ASXL2: variants seen among roughly 807,000 people sequenced by gnomAD.
ASXL2 encodes putative Polycomb group protein ASXL2.
In ASXL2, 23 loss-of-function variants were observed where a neutral mutation model predicts 122.0. The ratio of observed to expected loss-of-function variants is 0.19; its 90% CI spans 0.14 to 0.27. The LOEUF is 0.27. Ranked by LOEUF, ASXL2 falls within the 10% of genes least tolerant of loss-of-function variation. The pLI is 1.00. For synonymous variants in ASXL2, 650 were observed against 637.0 expected, an observed-to-expected ratio of 1.02 and a Z score of -0.31; for missense variants, 1,518 against 1,713.8, an observed-to-expected ratio of 0.89 and a Z score of 2.02.
intron 1 of ASXL2, among the ~76,000 whole-genome samples, chr2:25,861,856 A>G (rs1342947368): frequency 6.6e-6 from 1 of 152,204 alleles, no homozygotes; most frequent in Admixed American, 6.5e-5. Context: ...ACAGACCCAT[A>G]TCTCTCATGA....
intron 2 of ASXL2, among the ~76,000 whole-genome samples, chr2:25,840,980 A>C (rs963605217): frequency 2.0e-5 from 3 of 152,220 alleles, no homozygotes; most frequent in Admixed American, 6.5e-5. Context: ...TTCATTCTGT[A>C]ATCTTTCTAA....
chr2:25,776,765 AT>A (rs2088553637), intron 5 of ASXL2, among the ~76,000 whole-genome samples: 1 of 152,208 alleles, frequency 6.6e-6, no homozygotes, highest in Non-Finnish European at 1.5e-5. Flanking sequence ...TCTCAAGACT[AT>A]ACATTTCCTC....
intron 3 of ASXL2, among the ~76,000 whole-genome samples, chr2:25,807,986 T>TAAACACACACACACACACACACACACAC (rs368346154): frequency 2.3e-5 from 3 of 131,822 alleles, no homozygotes; most frequent in African/African-American, 8.6e-5. Flanking sequence ...AATCAGCTTT[T>TAAACACACACACACACACACACACACAC]ACACACACAC....
rs761130053 is a variant in ASXL2, at chr2:25,743,183, G to A, written c.3154C>T (p.His1052Tyr). The change falls in exon 13 of 13, where the codon CAC (histidine) becomes TAC (tyrosine). Residue 1052 changes from histidine to tyrosine, a missense_variant. His to Tyr is a moderately conservative substitution (Grantham distance 83). This residue lies in a region of ASXL2 where 831 missense variants were observed against 833.1 expected (regional missense o/e 1.00). Coordinates refer to ENST00000435504, the MANE Select transcript of ASXL2 (RefSeq NM_018263.6). The stretch of plus-strand genomic sequence containing the variant: ...TTACTTAGTCCTTCGTGGTATTGGT[G>A]TGTGTCAATGCTGGAGTCCCTCAGC... ...KELRDSSIDT[H>Y]QYHEGLSKAT... The A allele has an allele frequency of 1.2e-6, 2 of 1,614,010 alleles. No individual in the cohort carries two copies. The highest frequency in any genetic ancestry group is 1.7e-5 in the Admixed American group (1 of 60,022).
chr2:25,844,316 C>T (rs780562004), intron 2 of ASXL2, among the ~76,000 whole-genome samples: 1 of 152,138 alleles, frequency 6.6e-6, no homozygotes, highest in Non-Finnish European at 1.5e-5. Flanking sequence ...CATGGTGACT[C>T]ATGCCTGTAA....
intron 1 of ASXL2, among the ~76,000 whole-genome samples, chr2:25,874,886 C>G (rs2089998031): frequency 6.6e-6 from 1 of 151,506 alleles, no homozygotes; most frequent in Non-Finnish European, 1.5e-5. Flanking sequence ...TTGAGACCAG[C>G]CTGAGCAACA....
chr2:25,785,603 A>G (rs565306161), intron 5 of ASXL2, among the ~76,000 whole-genome samples: 72 of 152,006 alleles, frequency 4.7e-4, no homozygotes, highest in African/African-American at 1.7e-3. Context: ...CTGGAGTGCA[A>G]TGATGCAATC....
At chr2:25,795,123 C>T (rs1055998166) in intron 5 of ASXL2, among the ~76,000 whole-genome samples, 5 of 152,150 alleles carry the variant, frequency 3.3e-5, no homozygotes, top group African/African-American at 1.2e-4. Flanking sequence ...CATGTGACAT[C>T]ATGCGCACCT....
At chr2:25,877,755 C>T (rs929671882) in intron 1 of ASXL2, among the ~76,000 whole-genome samples, 1 of 152,186 alleles carries the variant, frequency 6.6e-6, no homozygotes, top group African/African-American at 2.4e-5. Flanking sequence ...CTCTCCTTTC[C>T]GGGGCTGGAT....
In ASXL2 at chr2:25,842,703, T is replaced by TATAGATAG. The variant is rs61348346; in HGVS notation, c.140+2770_140+2777dup. 2.4e-3 allele frequency among the ~76,000 whole-genome samples: 357 copies of TATAGATAG among 150,264 alleles called. 1 individual carries two copies. Among genetic ancestry groups the TATAGATAG allele is most frequent in the Admixed American group, 8.4e-3 (126 of 15,064 alleles). On this transcript the variant is annotated intron_variant, in intron 2 of 12. Transcript: ENST00000435504. ...TTCTTCAAGTGTGTGTATATATATA[T>TATAGATAG]ATAGATAGATAGATAGATAGATGTA...
At chr2:25,787,419 A>T (rs1359284173) in intron 5 of ASXL2, among the ~76,000 whole-genome samples, 1 of 152,224 alleles carries the variant, frequency 6.6e-6, no homozygotes, top group African/African-American at 2.4e-5. Flanking sequence ...GAAAGCTGAC[A>T]CGAAAAGTAT....
chr2:25,747,621 T>A (rs1348281996), intron 12 of ASXL2, among the ~76,000 whole-genome samples: 1 of 152,208 alleles, frequency 6.6e-6, no homozygotes, highest in Non-Finnish European at 1.5e-5. Flanking sequence ...TAACCCAGCC[T>A]GTTTACAGGT....
intron 1 of ASXL2, among the ~76,000 whole-genome samples, chr2:25,860,746 C>T (rs1282297954): frequency 7.7e-6 from 1 of 130,180 alleles, no homozygotes; most frequent in African/African-American, 2.9e-5. Flanking sequence ...GGGTGTGGTG[C>T]TCATGCCTGT....
intron 5 of ASXL2, among the ~76,000 whole-genome samples, chr2:25,772,398 G>C (rs2088470882): frequency 6.6e-6 from 1 of 152,076 alleles, no homozygotes; most frequent in Admixed American, 6.6e-5. Context: ...ATAGCAAAAT[G>C]ATATCCCATG....
intron 1 of ASXL2, among the ~76,000 whole-genome samples, chr2:25,864,442 T>C (rs940392505): frequency 1.3e-5 from 2 of 152,044 alleles, no homozygotes; most frequent in African/African-American, 2.4e-5. Context: ...GAAATGGAAA[T>C]GAGAAAAGAG....
chr2:25,830,567 A>G (rs1285497998), intron 3 of ASXL2, among the ~76,000 whole-genome samples: 1 of 151,456 alleles, frequency 6.6e-6, no homozygotes, highest in African/African-American at 2.4e-5. Context: ...TGGAGGATGC[A>G]GTGAGCCGAG....
chr2:25,831,419 G>C (rs2089449821), intron 3 of ASXL2, among the ~76,000 whole-genome samples: 1 of 152,212 alleles, frequency 6.6e-6, no homozygotes, highest in Admixed American at 6.5e-5. Flanking sequence ...CCAGCACTTT[G>C]GGAGGGCAAG....
Position 25,878,348 on chromosome 2 carries a change from G to C in ASXL2, c.-126C>G. 1.0e-5 allele frequency: 10 copies of C among 981,770 alleles called. No individual in the cohort carries two copies. The highest frequency in any genetic ancestry group is 2.1e-5 in the Admixed American group (1 of 47,582). The allele number at this position is 981,770 out of a possible 1,614,324, so 60.8% of individuals were successfully genotyped here. On this transcript the variant is annotated 5_prime_UTR_variant, in exon 1 of 13. Transcript: ENST00000435504. ...TGGGAGAAAAGGGAAGTCAGACCGG[G>C]GGGGCACCCAAGCAGAGGAAGCGGC...
chr2:25,865,958 A>AC (rs1418442839), intron 1 of ASXL2, among the ~76,000 whole-genome samples: 2 of 151,982 alleles, frequency 1.3e-5, no homozygotes, highest in Admixed American at 6.6e-5. Flanking sequence ...CTATGGTGAA[A>AC]CCTTCATTCC....
Sources: gnomAD v4.1 joint callset for allele counts (sites outside exome capture counted in the v4.1 genomes callset) on GRCh38, gnomAD v4.1.1 for gene constraint, gnomAD v4.1.1 regional missense constraint, MANE v1.5 for transcripts, NCBI Gene and HGNC (gene_info 2026-07-23, HGNC 2026-07-21) for gene names.